GRAMD4: variants seen among roughly 807,000 people sequenced by gnomAD.
GRAMD4 encodes the protein GRAM domain containing 4.
GRAMD4 carries 25 observed loss-of-function variants against 83.9 expected under a neutral mutation model. The observed-to-expected ratio is 0.30, with a 90% CI of 0.22 to 0.42. The LOEUF (loss-of-function observed/expected upper bound fraction) is 0.42. GRAMD4 is among the 10% of genes least tolerant of loss of function. The probability of loss-of-function intolerance (pLI) is 1.00; values close to 1 mark genes in which losing one functional copy is unlikely to be tolerated. For missense variants in GRAMD4, 593 were observed against 788.7 expected (o/e 0.75, Z 2.97); for synonymous variants, 336 against 320.9 (o/e 1.05, Z -0.50).
At chr22:46,635,802 C>G (rs2081876927) in intron 2 of GRAMD4, among the ~76,000 whole-genome samples, 1 of 130,776 alleles carries the variant, frequency 7.6e-6, no homozygotes, top group African/African-American at 2.8e-5. Flanking sequence ...GCCCCCCACC[C>G]CCCCGGCCAC....
chr22:46,659,615 T>C lies in GRAMD4; in HGVS notation c.404+1308T>C, dbSNP rs2082298422. Among the ~76,000 whole-genome samples the C allele has an allele frequency of 6.6e-6, 1 of 152,164 alleles. No homozygotes were observed. Among genetic ancestry groups the C allele is most frequent in the South Asian group, 2.1e-4 (1 of 4,836 alleles). ...CGGCTCCCTTCAGCACCCTCAGGTTTAGTGTGTGGGAAGACGGGGGATCCG... is the reference window on the plus strand; with the variant it reads ...CGGCTCCCTTCAGCACCCTCAGGTTCAGTGTGTGGGAAGACGGGGGATCCG... On this transcript the variant is annotated intron_variant, in intron 4 of 18. Coordinates refer to ENST00000406902, the MANE Select transcript of GRAMD4 (RefSeq NM_015124.5). This position sits in a 1 kb window ranked among gnomAD's most constrained non-coding sequence, Gnocchi z 4.1.
rs867213 is a variant in GRAMD4, at chr22:46,667,478, G to A, written c.858+605G>A. 5.0e-3 allele frequency among the ~76,000 whole-genome samples: 765 copies of A among 152,352 alleles called. 16 individuals carry two copies. The highest frequency in any genetic ancestry group is 0.033 in the Admixed American group (505 of 15,302). On this transcript the variant is annotated intron_variant, in intron 10 of 18. Coordinates refer to ENST00000406902, the MANE Select transcript of GRAMD4 (RefSeq NM_015124.5). ...GCTTTTGCATTACCCTTGAGTAGAC[G>A]ACAGACCACGTGGCCATGGAAGCCA...
intron 1 of GRAMD4, among the ~76,000 whole-genome samples, chr22:46,592,584 T>C (rs2081220643): frequency 6.6e-6 from 1 of 152,138 alleles, no homozygotes; most frequent in East Asian, 1.9e-4. Context: ...TTCCTGAATG[T>C]TTTCACTGTT....
At chr22:46,648,795 GATGGATGC>G (rs1569288298) in intron 3 of GRAMD4, among the ~76,000 whole-genome samples, 29 of 114,132 alleles carry the variant, frequency 2.5e-4, no homozygotes, top group African/African-American at 7.3e-4. Context: ...TGGATGGATG[GATGGATGC>G]ATGGATGGAT....
At chr22:46,681,290 C>T (rs2082669926), downstream of GRAMD4, among the ~76,000 whole-genome samples, 1 of 152,172 alleles carries the variant, frequency 6.6e-6, no homozygotes, top group Non-Finnish European at 1.5e-5. Context: ...TGTGGGAGAC[C>T]ACCCACCCTC....
At chr22:46,665,485 T>C in intron 8 of GRAMD4, 130 bp from the exon 9 acceptor site, 1 of 609,622 alleles carries the variant, frequency 1.6e-6, no homozygotes, top group Non-Finnish European at 3.0e-6. Context: ...CCCTCATCCC[T>C]GAGTGTCTGG....
chr22:46,679,081 G>A lies in GRAMD4; in HGVS notation c.*1830G>A, dbSNP rs2082639814. ...CTTGGCGCCTGAGGCAACACAGGGT[G>A]GGCACTGACCCACCCCCAGGGGCGG... On this transcript the variant is annotated 3_prime_UTR_variant, in exon 19 of 19. Coordinates refer to ENST00000406902, the MANE Select transcript of GRAMD4 (RefSeq NM_015124.5). 1 of 985,612 alleles carries A rather than the reference G, an allele frequency of 1.0e-6. No individual in the cohort carries two copies. The highest frequency in any genetic ancestry group is 1.2e-6 in the Non-Finnish European group (1 of 829,986). 61.1% of individuals were successfully genotyped at this position (985,612 alleles called of 1,614,324 possible).
At chr22:46,615,582 CGTGT>C (rs2081472510), upstream of GRAMD4, among the ~76,000 whole-genome samples, 2 of 77,202 alleles carry the variant, frequency 2.6e-5, no homozygotes, top group Non-Finnish European at 5.0e-5. Context: ...TTCCCCTGTG[CGTGT>C]AGGTTCCCCC....
chr22:46,592,228 C>T (rs908738349), intron 1 of GRAMD4, among the ~76,000 whole-genome samples: 4 of 152,224 alleles, frequency 2.6e-5, no homozygotes, highest in Admixed American at 6.5e-5. Flanking sequence ...CTGCCACCAG[C>T]CCAGCTGGCA....
intron 2 of GRAMD4, among the ~76,000 whole-genome samples, chr22:46,631,932 C>T (rs2081779581): frequency 7.5e-6 from 1 of 132,824 alleles, no homozygotes; most frequent in Non-Finnish European, 1.6e-5. Context: ...CTTTCGTCTC[C>T]TGGGGACCGG....
At chr22:46,587,857 C>T (rs768347516) in intron 1 of GRAMD4, 58 of 969,046 alleles carry the variant, frequency 6.0e-5, no homozygotes, top group East Asian at 1.2e-4. Context: ...GCGTGTGCGC[C>T]AGAAGCCCGG....
In GRAMD4 at chr22:46,677,534, G is replaced by A; in HGVS notation, c.*283G>A. 8.4e-7 allele frequency: 1 copy of A among 1,193,672 alleles called. No homozygotes were observed. The highest frequency in any genetic ancestry group is 1.0e-6 in the Non-Finnish European group (1 of 956,970). The allele number at this position is 1,193,672 out of a possible 1,614,324, so 73.9% of individuals were successfully genotyped here. ...GCAGAGGCCCTCGGGGGCCCGTGGA[G>A]AAGACACACAGGACCCCTGGCCCTG... On this transcript the variant is annotated 3_prime_UTR_variant, in exon 19 of 19. Coordinates refer to ENST00000406902, the MANE Select transcript of GRAMD4 (RefSeq NM_015124.5).
intron 9 of GRAMD4, among the ~76,000 whole-genome samples, chr22:46,666,488 G>T (rs1184849263): frequency 6.6e-6 from 1 of 152,234 alleles, no homozygotes; most frequent in Admixed American, 6.5e-5. Context: ...ACTCTGGAAG[G>T]TGTCGTTGGT....
chr22:46,593,798 A>G (rs1272296529), intron 1 of GRAMD4, among the ~76,000 whole-genome samples: 1 of 151,944 alleles, frequency 6.6e-6, no homozygotes, highest in Non-Finnish European at 1.5e-5. Flanking sequence ...ATCTCAGCTC[A>G]CTGCAACCTC....
At chr22:46,649,616 G>C (rs1297892644) in intron 3 of GRAMD4, among the ~76,000 whole-genome samples, 1 of 152,194 alleles carries the variant, frequency 6.6e-6, no homozygotes, top group Non-Finnish European at 1.5e-5. Flanking sequence ...CCAGCTATGT[G>C]CTCAGCAGCC....
chr22:46,606,941 C>T (rs138541), intron 1 of GRAMD4, among the ~76,000 whole-genome samples: 115,844 of 152,198 alleles, frequency 0.76, 45,812 homozygotes, highest in East Asian at 1. Context: ...GAGGAGCTGT[C>T]GCACTGTTTT....
intron 1 of GRAMD4, among the ~76,000 whole-genome samples, chr22:46,588,326 C>G (rs1183957260): frequency 3.3e-5 from 5 of 152,208 alleles, no homozygotes. Context: ...ACCTCCGTCC[C>G]TGTCTGGCTG....
chr22:46,587,121 A>G (rs5768991), intron 1 of GRAMD4, among the ~76,000 whole-genome samples: 111,000 of 152,110 alleles, frequency 0.73, 40,875 homozygotes, highest in East Asian at 0.92. Flanking sequence ...CTGATGAAGT[A>G]GATTATCCCC....
At position 46,678,782 on chromosome 22, in the gene GRAMD4, A is replaced by G. The variant is rs370212172; in HGVS notation, c.*1531A>G. ...GGATCCGGCGGCATGGGCTGGTTTC[A>G]CCCCCTTCACGAGGGGCCGCAGAGT... On this transcript the variant is annotated 3_prime_UTR_variant, in exon 19 of 19. Transcript: ENST00000406902. The G allele has an allele frequency of 9.1e-6, 9 of 985,718 alleles. No individual in the cohort carries two copies. The African/African-American group carries it at 1.6e-4, about 17-fold the overall frequency. 61.1% of individuals were successfully genotyped at this position (985,718 alleles called of 1,614,324 possible).
Sources: allele counts gnomAD v4.1 joint callset (sites outside exome capture counted in the v4.1 genomes callset), GRCh38; gene constraint gnomAD v4.1.1; non-coding constraint Gnocchi (gnomAD v3.1); transcripts MANE v1.5; gene names NCBI Gene and HGNC (gene_info 2026-07-23, HGNC 2026-07-21).